PAPOLG: variants seen among roughly 807,000 people sequenced by gnomAD.
PAPOLG encodes the protein poly(A) polymerase gamma, also known as PAP-gamma.
In PAPOLG, 40 loss-of-function variants were observed where a neutral mutation model predicts 99.0. That is an observed-to-expected ratio of 0.40 (90% CI 0.31 to 0.53). PAPOLG has a LOEUF of 0.53. Ranked by LOEUF, PAPOLG falls within the 20% of genes least tolerant of loss-of-function variation. The pLI, the probability that PAPOLG is intolerant of heterozygous loss-of-function variation, is 0.41. For synonymous variants in PAPOLG, 310 were observed against 299.3 expected (o/e 1.04, Z -0.37); for missense variants, 675 against 884.1 (o/e 0.76, Z 3.00).
At position 60,756,306 on chromosome 2, in the gene PAPOLG, G is replaced by A. The variant is rs1670336238; in HGVS notation, c.-173G>A. 7.9e-6 allele frequency: 6 copies of A among 760,614 alleles called. 1 individual carries two copies. Among genetic ancestry groups the A allele is most frequent in the South Asian group, 7.8e-5 (5 of 64,204 alleles). 47.1% of individuals were successfully genotyped at this position (760,614 alleles called of 1,614,324 possible). ...GCGCTGTATTGTCATAAATAGAGCC[G>A]GTTTTGTGGTGTTTTCACTACTCGG... is the stretch of plus-strand genomic sequence containing the variant. On this transcript the variant is annotated 5_prime_UTR_variant, in exon 1 of 22. Transcript: ENST00000238714.
At chr2:60,789,469 A>G (rs1671466542) in intron 15 of PAPOLG, among the ~76,000 whole-genome samples, 1 of 152,140 alleles carries the variant, frequency 6.6e-6, no homozygotes, top group South Asian at 2.1e-4. Flanking sequence ...TCCTGGGCTC[A>G]AGCAATTTGC....
intron 6 of PAPOLG, 96 bp downstream of exon 6, chr2:60,770,607 A>G: frequency 1.3e-6 from 1 of 765,142 alleles, no homozygotes; most frequent in African/African-American, 1.8e-5. Flanking sequence ...CATATTTTAA[A>G]AAATCAAGTA....
At chr2:60,775,162 T>G in intron 8 of PAPOLG, 39 bp downstream of exon 8, 1 of 1,572,470 alleles carries the variant, frequency 6.4e-7, no homozygotes, top group Non-Finnish European at 8.6e-7. Context: ...ATTATAAAAT[T>G]CTAATTTTCT....
intron 18 of PAPOLG, 113 bp downstream of exon 18, chr2:60,793,828 C>A: frequency 6.9e-7 from 1 of 1,442,670 alleles, no homozygotes. Flanking sequence ...GGAGGGTCAC[C>A]TGAGCCTGGG....
chr2:60,793,282 C>T (rs1260697716), intron 17 of PAPOLG, among the ~76,000 whole-genome samples: 1 of 147,256 alleles, frequency 6.8e-6, no homozygotes, highest in Non-Finnish European at 1.5e-5. Flanking sequence ...TGGGGCCAGG[C>T]GTGGTGGGTC....
chr2:60,791,760 G>C lies in PAPOLG; in HGVS notation c.1397-1G>C. On this transcript the variant is annotated splice_acceptor_variant, in intron 15 of 21. Transcript: ENST00000238714. LOFTEE classifies it high-confidence loss of function. ...CATTTAACATATTAACATTGTTACA[G>C]TGTACAGACAGGCAAACAATATAAA... 6.2e-7 allele frequency: 1 copy of C among 1,605,630 alleles called. No individual in the cohort carries two copies. Among genetic ancestry groups the C allele is most frequent in the Non-Finnish European group, 8.5e-7 (1 of 1,178,096 alleles).
At chr2:60,769,037 A>C in intron 5 of PAPOLG, 147 bp downstream of exon 5, 1 of 659,852 alleles carries the variant, frequency 1.5e-6, no homozygotes, top group Non-Finnish European at 2.5e-6. Context: ...TGATTAAATC[A>C]TGATTAAGAA....
In PAPOLG at chr2:60,782,015, T is replaced by G; in HGVS notation, c.1027+10T>G. ...GAAGAATTTAAACAAGGTAAACATG[T>G]GGCCCTGTTGCCCTTTACATATTCC... On this transcript the variant is annotated intron_variant, in intron 11 of 21. Transcript: ENST00000238714. 1.2e-6 allele frequency: 2 copies of G among 1,612,604 alleles called. No individual in the cohort carries two copies. The highest frequency in any genetic ancestry group is 1.7e-6 in the Non-Finnish European group (2 of 1,178,678).
chr2:60,801,392 G>T lies in PAPOLG; in HGVS notation c.*4232G>T, dbSNP rs76461140. On this transcript the variant is annotated 3_prime_UTR_variant, in exon 22 of 22. Transcript: ENST00000238714. ...TGGAAGAAAACCAGTCTCAATAATG[G>T]TTTTTTTTTTCCAATTGCATAAGGT... 2 of 148,978 alleles carry T rather than the reference G, an allele frequency of 1.3e-5. No homozygotes were observed. Among genetic ancestry groups the T allele is most frequent in the African/African-American group, 4.9e-5 (2 of 40,510 alleles). 9.2% of individuals were successfully genotyped at this position (148,978 alleles called of 1,614,324 possible). A position where few individuals can be genotyped will look rare whatever the true frequency, so the allele number is the denominator to read the frequency against.
At position 60,792,245 on chromosome 2, in the gene PAPOLG, T is replaced by C; in HGVS notation, c.1635T>C (p.Ser545=). The C allele has an allele frequency of 1.9e-6, 3 of 1,610,084 alleles. No individual in the cohort carries two copies. The highest frequency in any genetic ancestry group is 2.5e-6 in the Non-Finnish European group (3 of 1,179,226). ...RDTDNGTPFN[S]PASKSDSPSV... ...CTGATAATGGAACACCTTTTAATTC[T>C]CCAGCGTCCAAGTCTGATAGCCCTT... Residue 545 remains serine, a synonymous_variant, in exon 17 of 22, where the codon TCT becomes TCC. Transcript: ENST00000238714.
chr2:60,762,952 A>AT (rs923935271), intron 3 of PAPOLG, among the ~76,000 whole-genome samples: 2 of 149,446 alleles, frequency 1.3e-5, no homozygotes, highest in African/African-American at 4.9e-5. Flanking sequence ...ATTTTATTTT[A>AT]TTTTTTTTTG....
chr2:60,800,811 C>A lies in PAPOLG; in HGVS notation c.*3651C>A, dbSNP rs1386151738. ...GTATGGGAGTTAGGGTTAGGAACCA[C>A]CAGGATTGAATAATCCTGGAATATT... On this transcript the variant is annotated 3_prime_UTR_variant, in exon 22 of 22. Coordinates refer to ENST00000238714, the MANE Select transcript of PAPOLG (RefSeq NM_022894.4). The A allele has an allele frequency of 3.3e-5, 5 of 152,132 alleles. No individual in the cohort carries two copies. The allele number at this position is 152,132 out of a possible 1,614,324, so 9.4% of individuals were successfully genotyped here.
chr2:60,759,470 C>T (rs193270142), intron 1 of PAPOLG, among the ~76,000 whole-genome samples: 5 of 152,028 alleles, frequency 3.3e-5, no homozygotes, highest in Non-Finnish European at 5.9e-5. Context: ...ATGTATCTTC[C>T]AAAAGATTGC....
intron 5 of PAPOLG, 64 bp downstream of exon 5, chr2:60,768,954 G>A (rs1403832432): frequency 4.8e-6 from 6 of 1,254,380 alleles, no homozygotes; most frequent in African/African-American, 1.5e-5. Context: ...ATAAAAACTA[G>A]GGCTTAAAAC....
At chr2:60,775,412 A>G (rs1670986700) in intron 8 of PAPOLG, among the ~76,000 whole-genome samples, 1 of 152,220 alleles carries the variant, frequency 6.6e-6, no homozygotes, top group African/African-American at 2.4e-5. Context: ...CCTGTGGGTA[A>G]CACCATCTTA....
intron 13 of PAPOLG, 75 bp from the exon 14 acceptor site, chr2:60,786,872 C>G: frequency 2.0e-6 from 3 of 1,521,552 alleles, no homozygotes; most frequent in Non-Finnish European, 2.7e-6. Flanking sequence ...AGTTAATATG[C>G]TGTTTGGTTT....
chr2:60,781,780 T>A, intron 10 of PAPOLG, 105 bp from the exon 11 acceptor site: 1 of 1,442,090 alleles, frequency 6.9e-7, no homozygotes, highest in Non-Finnish European at 9.5e-7. Flanking sequence ...CTTGAGGAAA[T>A]GTAGTATTAA....
intron 21 of PAPOLG, among the ~76,000 whole-genome samples, chr2:60,796,721 C>CT (rs34893158): frequency 4.0e-5 from 6 of 149,968 alleles, no homozygotes; most frequent in South Asian, 2.1e-4. Flanking sequence ...CATGAACTTC[C>CT]TTTTTTTTTT....
intron 7 of PAPOLG, among the ~76,000 whole-genome samples, chr2:60,774,558 G>T (rs1406674694): frequency 6.6e-6 from 1 of 152,038 alleles, no homozygotes; most frequent in Non-Finnish European, 1.5e-5. Flanking sequence ...TAGAGACAGG[G>T]TTTCACCATT....
Sources: allele counts gnomAD v4.1 joint callset (sites outside exome capture counted in the v4.1 genomes callset), GRCh38; gene constraint gnomAD v4.1.1; transcripts MANE v1.5; gene names NCBI Gene and HGNC (gene_info 2026-07-23, HGNC 2026-07-21).